Variants in ASTN2 observed in about 807,000 individuals in gnomAD.
The protein encoded by ASTN2 is astrotactin-2.
Under a neutral mutation model 139.8 loss-of-function variants are expected in ASTN2, and 54 were observed. That is an observed-to-expected ratio of 0.39 (90% CI 0.31 to 0.48). The LOEUF (loss-of-function observed/expected upper bound fraction) is 0.48, where lower values mean the gene tolerates loss of function less well. Among genes scored for constraint, ASTN2 ranks in the 20% least tolerant of loss-of-function variants. ASTN2 has a pLI of 0.95. For missense variants in ASTN2, 1,565 were observed against 1,725.1 expected (o/e 0.91, Z 1.64); for synonymous variants, 756 against 719.5 (o/e 1.05, Z -0.81).
intron 13 of ASTN2, among the ~76,000 whole-genome samples, chr9:116,748,374 C>A (rs1829307023): frequency 6.6e-6 from 1 of 152,190 alleles, no homozygotes; most frequent in Non-Finnish European, 1.5e-5. Context: ...CAGCTCCAGC[C>A]TTAATCCCAG....
At chr9:116,441,387 G>A (rs1448168267) in intron 21 of ASTN2, among the ~76,000 whole-genome samples, 1 of 151,916 alleles carries the variant, frequency 6.6e-6, no homozygotes, top group African/African-American at 2.4e-5. Context: ...AAATCTGTAT[G>A]TGGTCCTAAA....
intron 1 of ASTN2, among the ~76,000 whole-genome samples, chr9:117,408,313 C>T (rs1267536793): frequency 6.6e-6 from 1 of 152,078 alleles, no homozygotes; most frequent in East Asian, 1.9e-4. Context: ...TAAATTTGGA[C>T]TGTAGGGTAG....
intron 4 of ASTN2, among the ~76,000 whole-genome samples, chr9:117,098,306 A>G (rs572536838): frequency 3.9e-5 from 6 of 152,348 alleles, no homozygotes; most frequent in African/African-American, 1.4e-4. Context: ...CTCAGAAAAG[A>G]AAAATGATTT....
intron 4 of ASTN2, among the ~76,000 whole-genome samples, chr9:117,111,405 A>C (rs1269307725): frequency 6.6e-6 from 1 of 150,942 alleles, no homozygotes; most frequent in Non-Finnish European, 1.5e-5. Context: ...TATGCACCAA[A>C]TAGATATTTT....
At chr9:117,060,988 G>T (rs1373039332) in intron 5 of ASTN2, among the ~76,000 whole-genome samples, 1 of 152,028 alleles carries the variant, frequency 6.6e-6, no homozygotes, top group Non-Finnish European at 1.5e-5. Context: ...CTACAAATCA[G>T]GTTTTTTGTT....
intron 6 of ASTN2, among the ~76,000 whole-genome samples, chr9:117,025,650 T>G (rs775984757): frequency 6.6e-6 from 1 of 152,170 alleles, no homozygotes; most frequent in South Asian, 2.1e-4. Context: ...ATTACTCCAG[T>G]GATTCAAACC....
chr9:117,337,046 A>T (rs551453306), intron 1 of ASTN2, among the ~76,000 whole-genome samples: 1 of 152,318 alleles, frequency 6.6e-6, no homozygotes, highest in South Asian at 2.1e-4. Context: ...ATATAAATAA[A>T]TGCATAATTA....
chr9:116,967,321 G>A (rs1262519770), intron 10 of ASTN2, among the ~76,000 whole-genome samples: 1 of 152,158 alleles, frequency 6.6e-6, no homozygotes, highest in Admixed American at 6.5e-5. Context: ...GGTGGAGCTG[G>A]GATTTGAGAC....
chr9:117,232,086 C>T lies in ASTN2; in HGVS notation c.631-17344G>A, dbSNP rs146802373. 9.1e-3 allele frequency among the ~76,000 whole-genome samples: 1,381 copies of T among 152,128 alleles called. 13 individuals carry two copies. Among genetic ancestry groups the T allele is most frequent in the Non-Finnish European group, 0.015 (988 of 67,970 alleles). On this transcript the variant is annotated intron_variant, in intron 2 of 22. Coordinates refer to ENST00000313400, the MANE Select transcript of ASTN2 (RefSeq NM_001365068.1). ...GGCTGTATAACAAAATTACAAAAGCCACCCAGGGTAAGTGCTGCTACAAAA... is the reference window on the plus strand; with the variant it reads ...GGCTGTATAACAAAATTACAAAAGCTACCCAGGGTAAGTGCTGCTACAAAA...
At chr9:116,867,035 T>C (rs538870600) in intron 10 of ASTN2, among the ~76,000 whole-genome samples, 2 of 150,088 alleles carry the variant, frequency 1.3e-5, no homozygotes, top group South Asian at 2.1e-4. Flanking sequence ...GATAAAGGGA[T>C]CTAAAAGGTA....
intron 5 of ASTN2, among the ~76,000 whole-genome samples, chr9:117,045,873 G>A (rs1042557506): frequency 6.6e-6 from 1 of 152,084 alleles, no homozygotes; most frequent in Non-Finnish European, 1.5e-5. Context: ...GGGGGAAAGG[G>A]ATTCTAGAAA....
chr9:117,060,585 CAGGA>C (rs1554774170), intron 5 of ASTN2, among the ~76,000 whole-genome samples: 35 of 132,438 alleles, frequency 2.6e-4, no homozygotes, highest in East Asian at 6.8e-4. Flanking sequence ...GGAAAGAAGG[CAGGA>C]AGGAAGGAAG....
chr9:116,836,181 TC>T (rs1162043477), intron 11 of ASTN2, among the ~76,000 whole-genome samples: 1 of 151,944 alleles, frequency 6.6e-6, no homozygotes, highest in Non-Finnish European at 1.5e-5. Context: ...TAGTCACTGT[TC>T]CCCCCTTAAT....
chr9:116,632,915 T>C (rs897542550), intron 17 of ASTN2, among the ~76,000 whole-genome samples: 3 of 152,242 alleles, frequency 2.0e-5, no homozygotes, highest in African/African-American at 7.2e-5. Context: ...AGAAATTCCT[T>C]GCACAAGGCA....
At chr9:117,237,898 C>G (rs866559479) in intron 2 of ASTN2, among the ~76,000 whole-genome samples, 28 of 152,312 alleles carry the variant, frequency 1.8e-4, no homozygotes, top group African/African-American at 6.5e-4. Flanking sequence ...GATGCTGGTG[C>G]TGGGTGCTTC....
At chr9:117,378,417 G>A (rs1830180168) in intron 1 of ASTN2, among the ~76,000 whole-genome samples, 1 of 152,202 alleles carries the variant, frequency 6.6e-6, no homozygotes, top group African/African-American at 2.4e-5. Context: ...TGTTCAGGAT[G>A]CTATCTCTGC....
At chr9:116,677,761 T>C (rs937413527) in intron 16 of ASTN2, among the ~76,000 whole-genome samples, 3 of 152,162 alleles carry the variant, frequency 2.0e-5, no homozygotes, top group Non-Finnish European at 4.4e-5. Context: ...CAGTATAAAA[T>C]GGGACCCTTA....
At chr9:116,829,552 T>C (rs2132282721) in intron 11 of ASTN2, among the ~76,000 whole-genome samples, 1 of 152,124 alleles carries the variant, frequency 6.6e-6, no homozygotes, top group South Asian at 2.1e-4. Flanking sequence ...TCAGGAAACT[T>C]ATAATCATGA....
chr9:116,562,159 T>C (rs1388011129), intron 19 of ASTN2: 2 of 152,238 alleles, frequency 1.3e-5, no homozygotes, highest in Non-Finnish European at 2.9e-5. Context: ...TGAAAATTGT[T>C]CCTTTAGAAA....
Sources: allele counts gnomAD v4.1 joint callset (sites outside exome capture counted in the v4.1 genomes callset), GRCh38; gene constraint gnomAD v4.1.1; transcripts MANE v1.5; gene names NCBI Gene and HGNC (gene_info 2026-07-23, HGNC 2026-07-21).